Variants in SEMA6D observed in about 807,000 individuals in gnomAD.
SEMA6D encodes the protein semaphorin-6D.
A neutral mutation model predicts 106.6 loss-of-function variants in SEMA6D; 35 were observed. The ratio of observed to expected loss-of-function variants is 0.33; its 90% CI spans 0.25 to 0.44. The LOEUF (loss-of-function observed/expected upper bound fraction) is 0.44. SEMA6D is among the 20% of genes least tolerant of loss of function. The pLI is 1.00. For missense variants in SEMA6D, 1,185 were observed against 1,345.9 expected, an observed-to-expected ratio of 0.88 and a Z score of 1.87; for synonymous variants, 499 against 487.7, an observed-to-expected ratio of 1.02 and a Z score of -0.31.
chr15:47,587,228 C>T (rs956776543), intron 3 of SEMA6D, among the ~76,000 whole-genome samples: 1 of 152,152 alleles, frequency 6.6e-6, no homozygotes, highest in Non-Finnish European at 1.5e-5. Flanking sequence ...TGCCCTACCT[C>T]ACCCCACCCG....
intron 4 of SEMA6D, among the ~76,000 whole-genome samples, chr15:47,610,417 C>G (rs2143826573): frequency 6.6e-6 from 1 of 152,264 alleles, no homozygotes; most frequent in Middle Eastern, 3.4e-3. Context: ...CACCTTTAAC[C>G]ACATCTCCTC....
intron 3 of SEMA6D, among the ~76,000 whole-genome samples, chr15:47,566,460 A>C (rs1298465571): frequency 6.6e-6 from 1 of 152,200 alleles, no homozygotes; most frequent in East Asian, 1.9e-4. Context: ...AAACTGCAAA[A>C]TGTGCATGCA....
chr15:47,537,585 G>T (rs1312437525), intron 3 of SEMA6D, among the ~76,000 whole-genome samples: 1 of 152,172 alleles, frequency 6.6e-6, no homozygotes, highest in Non-Finnish European at 1.5e-5. Context: ...TGAATTAGAA[G>T]AAATAATACT....
rs555104817 is a variant in SEMA6D, at chr15:47,408,834, C to G, written c.-238-3559C>G. Among the ~76,000 whole-genome samples the G allele has an allele frequency of 3.9e-5, 6 of 152,270 alleles. No homozygotes were observed. In the East Asian group the frequency reaches 9.7e-4, roughly 25 times the overall value. On this transcript the variant is annotated intron_variant, in intron 1 of 19. Coordinates refer to the SEMA6D transcript ENST00000558014. Reference sequence around the variant, plus strand: ...AGGGCAGCTCGAAGGAAGCATGAGCCTCTGTCTTGGGGAGTAGGTGCTTCT... The same window carrying G: ...AGGGCAGCTCGAAGGAAGCATGAGCGTCTGTCTTGGGGAGTAGGTGCTTCT...
intron 1 of SEMA6D, among the ~76,000 whole-genome samples, chr15:47,374,991 C>T (rs1313011400): frequency 1.3e-5 from 2 of 152,158 alleles, no homozygotes; most frequent in Admixed American, 1.3e-4. Context: ...TTCTTGTTTC[C>T]CACAGGGCAC....
intron 4 of SEMA6D, among the ~76,000 whole-genome samples, chr15:47,677,976 A>C (rs1489608382): frequency 6.6e-6 from 1 of 152,192 alleles, no homozygotes; most frequent in Non-Finnish European, 1.5e-5. Context: ...ATAGAAAAAA[A>C]GGGAGTGTGA....
In SEMA6D at chr15:47,771,535, G is replaced by C; in HGVS notation, c.2972G>C (p.Arg991Thr). Residue 991 changes from arginine (R) to threonine (T), a missense_variant, in exon 19 of 19, where the codon AGA (arginine) becomes ACA (threonine). Coordinates refer to ENST00000536845, the MANE Select transcript of SEMA6D (RefSeq NM_001358351.3). ...TCACCAAATGGTGTTTTGTTATCCA[G>C]ACAGCCTAGTATGAACCGTGGAGGA... is the stretch of plus-strand genomic sequence containing the variant. ...LNSPNGVLLS[R>T]QPSMNRGGYM... 6.2e-7 allele frequency: 1 copy of C among 1,614,102 alleles called. No homozygotes were observed.
intron 1 of SEMA6D, among the ~76,000 whole-genome samples, chr15:47,743,957 C>T (rs1005776615): frequency 6.6e-6 from 1 of 152,150 alleles, no homozygotes; most frequent in Admixed American, 6.5e-5. Context: ...GAGCAATGGA[C>T]CTGGAGACAG....
intron 4 of SEMA6D, among the ~76,000 whole-genome samples, chr15:47,679,681 A>G (rs1291873058): frequency 6.6e-6 from 1 of 152,176 alleles, no homozygotes; most frequent in Non-Finnish European, 1.5e-5. Flanking sequence ...TAACTTGATA[A>G]AAATTGAAAT....
At chr15:47,709,475 G>A (rs529684061) in intron 4 of SEMA6D, among the ~76,000 whole-genome samples, 43 of 152,154 alleles carry the variant, frequency 2.8e-4, no homozygotes, top group Non-Finnish European at 5.4e-4. Context: ...TAAATGCAAG[G>A]TATTTCTCGT....
chr15:47,682,195 T>G (rs1407287495), intron 4 of SEMA6D, among the ~76,000 whole-genome samples: 1 of 142,028 alleles, frequency 7.0e-6, no homozygotes, highest in African/African-American at 2.7e-5. Context: ...TGATACGGAG[T>G]GTCACTCTTT....
chr15:47,463,330 A>T lies in SEMA6D; in HGVS notation c.-158-7144A>T, dbSNP rs539765050. Among the ~76,000 whole-genome samples, 23 of 152,222 alleles carry T rather than the reference A, an allele frequency of 1.5e-4. No individual in the cohort carries two copies. In the East Asian group the frequency reaches 4.3e-3, roughly 28 times the overall value. ...ATGCACCCTTTTCTTCACAATTCAAAACTTTCTTCTCCATAAATCCTTTGC... is the reference window on the plus strand; with the variant it reads ...ATGCACCCTTTTCTTCACAATTCAATACTTTCTTCTCCATAAATCCTTTGC... On this transcript the variant is annotated intron_variant, in intron 2 of 19. Coordinates refer to the SEMA6D transcript ENST00000558014.
At chr15:47,324,063 C>T (rs2037032158) in intron 1 of SEMA6D, among the ~76,000 whole-genome samples, 1 of 150,792 alleles carries the variant, frequency 6.6e-6, no homozygotes, top group Non-Finnish European at 1.5e-5. Flanking sequence ...GAAGAAAGCT[C>T]ACATCTAATG....
At chr15:47,427,813 G>T (rs937635988) in intron 2 of SEMA6D, among the ~76,000 whole-genome samples, 1 of 152,008 alleles carries the variant, frequency 6.6e-6, no homozygotes, top group African/African-American at 2.4e-5. Context: ...TAAGAGTTCT[G>T]CCCCAGAAGT....
intron 4 of SEMA6D, among the ~76,000 whole-genome samples, chr15:47,623,277 A>G (rs2144268124): frequency 6.6e-6 from 1 of 152,302 alleles, no homozygotes; most frequent in African/African-American, 2.4e-5. Flanking sequence ...TGTTATTTGT[A>G]GCTAAAGTAA....
In SEMA6D at chr15:47,514,994, G is replaced by C. The variant is rs564776808; in HGVS notation, c.-87+44449G>C. 3.9e-5 allele frequency among the ~76,000 whole-genome samples: 6 copies of C among 152,274 alleles called. No individual in the cohort carries two copies. The East Asian group carries it at 9.6e-4, about 24-fold the overall frequency. ...GTTCTGTAAGCCCCACATGATCTGT[G>C]TACCTATTATTATTTGATCTCATTT... is the stretch of plus-strand genomic sequence containing the variant. On this transcript the variant is annotated intron_variant, in intron 3 of 19. Transcript: ENST00000558014.
At chr15:47,416,818 T>C (rs1287772636) in intron 2 of SEMA6D, among the ~76,000 whole-genome samples, 1 of 152,112 alleles carries the variant, frequency 6.6e-6, no homozygotes, top group Non-Finnish European at 1.5e-5. Context: ...AAACTGCAAG[T>C]ATTTTCTATT....
chr15:47,537,596 G>A (rs1023747341), intron 3 of SEMA6D, among the ~76,000 whole-genome samples: 1 of 152,142 alleles, frequency 6.6e-6, no homozygotes, highest in Admixed American at 6.5e-5. Context: ...AAATAATACT[G>A]GCTCAAATGC....
chr15:47,595,575 G>A lies in SEMA6D; in HGVS notation c.-86-5290G>A, dbSNP rs184897405. ...ATTGTAATGTCTTTGTCTGGCTTTG[G>A]TATCAGAGTAATGCTGGCCTCATGA... is the stretch of plus-strand genomic sequence containing the variant. On this transcript the variant is annotated intron_variant, in intron 3 of 19. Coordinates refer to the SEMA6D transcript ENST00000558014. Among the ~76,000 whole-genome samples the A allele has an allele frequency of 4.9e-4, 74 of 152,158 alleles. No individual in the cohort carries two copies. In the East Asian group the frequency reaches 7.9e-3, roughly 16 times the overall value.
Sources: allele counts gnomAD v4.1 joint callset (sites outside exome capture counted in the v4.1 genomes callset), GRCh38; gene constraint gnomAD v4.1.1; transcripts MANE v1.5; gene names NCBI Gene and HGNC (gene_info 2026-07-23, HGNC 2026-07-21).